Variants in TBC1D22A observed in about 807,000 individuals in gnomAD.
The protein encoded by TBC1D22A is TBC1 domain family member 22A.
TBC1D22A carries 38 observed loss-of-function variants against 60.2 expected under a neutral mutation model. The ratio of observed to expected loss-of-function variants is 0.63; its 90% CI spans 0.49 to 0.83. The LOEUF (loss-of-function observed/expected upper bound fraction) is 0.83, where lower values mean the gene tolerates loss of function less well. Among genes scored for constraint, TBC1D22A ranks in the 40% least tolerant of loss-of-function variants. TBC1D22A has a pLI of 0.00. For missense variants in TBC1D22A, 628 were observed against 701.0 expected (o/e 0.90, Z 1.18); for synonymous variants, 302 against 281.7 (o/e 1.07, Z -0.72).
chr22:47,044,374 G>C (rs1464202806), intron 11 of TBC1D22A, among the ~76,000 whole-genome samples: 1 of 152,216 alleles, frequency 6.6e-6, no homozygotes. Flanking sequence ...GCTGCCTCGG[G>C]TCTCCACTTG....
intron 12 of TBC1D22A, among the ~76,000 whole-genome samples, chr22:47,157,968 C>A (rs1368179044): frequency 1.3e-5 from 2 of 152,128 alleles, no homozygotes; most frequent in African/African-American, 4.8e-5. Context: ...CGTCGTGGCT[C>A]TTAACTGGGT....
At chr22:46,768,923 G>A (rs1334950386) in intron 1 of TBC1D22A, among the ~76,000 whole-genome samples, 1 of 151,774 alleles carries the variant, frequency 6.6e-6, no homozygotes, top group East Asian at 1.9e-4. Flanking sequence ...GTGAAACCCC[G>A]TCTCTACTAA....
chr22:46,828,805 T>C (rs1175575528), intron 4 of TBC1D22A, among the ~76,000 whole-genome samples: 1 of 152,214 alleles, frequency 6.6e-6, no homozygotes, highest in Non-Finnish European at 1.5e-5. Flanking sequence ...ATCTCTGCTC[T>C]TCAGGTGAGC....
intron 8 of TBC1D22A, among the ~76,000 whole-genome samples, chr22:46,940,823 AATATAT>A (rs56781447): frequency 4.4e-5 from 4 of 91,088 alleles, no homozygotes; most frequent in Admixed American, 1.1e-4. Flanking sequence ...GGGGCACTAG[AATATAT>A]ATATATATAT....
intron 9 of TBC1D22A, among the ~76,000 whole-genome samples, chr22:46,984,047 G>A (rs571602984): frequency 2.3e-3 from 354 of 152,068 alleles, no homozygotes; most frequent in African/African-American, 8.1e-3. Context: ...CTCTCTCTGG[G>A]GGTTTAAACT....
At chr22:46,781,131 C>T (rs2083915584) in intron 1 of TBC1D22A, among the ~76,000 whole-genome samples, 1 of 137,680 alleles carries the variant, frequency 7.3e-6, no homozygotes, top group Non-Finnish European at 1.5e-5. Flanking sequence ...GAGGTGCCCT[C>T]CCAATTTTGT....
chr22:47,096,714 T>C (rs565748470), intron 11 of TBC1D22A, among the ~76,000 whole-genome samples: 13 of 152,168 alleles, frequency 8.5e-5, no homozygotes, highest in East Asian at 1.9e-4. Context: ...CCCAGCTACT[T>C]GGGAGGCTGA....
chr22:47,065,988 C>G (rs372852567), intron 11 of TBC1D22A, among the ~76,000 whole-genome samples: 1 of 152,186 alleles, frequency 6.6e-6, no homozygotes, highest in African/African-American at 2.4e-5. Flanking sequence ...AAGAGCCCTC[C>G]TCTGAGTCAC....
At chr22:47,019,116 C>T (rs974997685) in intron 10 of TBC1D22A, among the ~76,000 whole-genome samples, 1 of 152,238 alleles carries the variant, frequency 6.6e-6, no homozygotes, top group Non-Finnish European at 1.5e-5. Context: ...TGGCCTGGCG[C>T]CCACATCCAG....
At chr22:46,926,625 A>G (rs1163856309) in intron 8 of TBC1D22A, among the ~76,000 whole-genome samples, 2 of 152,176 alleles carry the variant, frequency 1.3e-5, no homozygotes, top group Non-Finnish European at 2.9e-5. Flanking sequence ...GTGGACTTTG[A>G]GTAAAGCAGG....
At chr22:46,852,301 G>C (rs922638281) in intron 4 of TBC1D22A, among the ~76,000 whole-genome samples, 1 of 152,220 alleles carries the variant, frequency 6.6e-6, no homozygotes, top group Non-Finnish European at 1.5e-5. Context: ...CCGGCCCGCA[G>C]AGAACTTTAG....
At chr22:46,882,217 G>C (rs1468708866) in intron 5 of TBC1D22A, among the ~76,000 whole-genome samples, 4 of 152,198 alleles carry the variant, frequency 2.6e-5, no homozygotes, top group Non-Finnish European at 5.9e-5. Context: ...GGTGTTGACT[G>C]ACTCTAGCAT....
intron 5 of TBC1D22A, among the ~76,000 whole-genome samples, chr22:46,880,614 C>T (rs1255136618): frequency 6.6e-6 from 1 of 152,020 alleles, no homozygotes; most frequent in South Asian, 2.1e-4. Context: ...TGTGGTGGGA[C>T]AGTGGTGGTG....
intron 8 of TBC1D22A, among the ~76,000 whole-genome samples, chr22:46,945,831 T>C (rs1328915741): frequency 6.6e-6 from 1 of 152,152 alleles, no homozygotes; most frequent in Non-Finnish European, 1.5e-5. Context: ...AGGAAATAAC[T>C]CATCCACGGC....
chr22:46,879,948 G>A (rs975356199), intron 5 of TBC1D22A, among the ~76,000 whole-genome samples: 1 of 152,210 alleles, frequency 6.6e-6, no homozygotes, highest in South Asian at 2.1e-4. Context: ...GTAGACAGAG[G>A]AGCACAAGGG....
chr22:47,121,444 C>T (rs1251001545), intron 12 of TBC1D22A, among the ~76,000 whole-genome samples: 1 of 152,160 alleles, frequency 6.6e-6, no homozygotes, highest in Admixed American at 6.5e-5. Flanking sequence ...TGGTACATGG[C>T]TGGTTATAAT....
chr22:47,003,376 G>T (rs916786153), intron 10 of TBC1D22A, among the ~76,000 whole-genome samples: 1 of 151,764 alleles, frequency 6.6e-6, no homozygotes, highest in African/African-American at 2.4e-5. Flanking sequence ...TGAAATTAAA[G>T]TATACGCACA....
At chr22:46,862,558 C>T (rs2087956429) in intron 4 of TBC1D22A, among the ~76,000 whole-genome samples, 1 of 152,250 alleles carries the variant, frequency 6.6e-6, no homozygotes, top group Admixed American at 6.5e-5. Context: ...CTTGCTTCCA[C>T]TCACTGCTGT....
intron 10 of TBC1D22A, among the ~76,000 whole-genome samples, chr22:47,029,617 C>T (rs1185528333): frequency 6.6e-5 from 10 of 152,344 alleles, no homozygotes; most frequent in Admixed American, 5.2e-4. Flanking sequence ...CCGGCAGCCT[C>T]GATCTTGGCC....
Sources: allele counts gnomAD v4.1 joint callset (sites outside exome capture counted in the v4.1 genomes callset), GRCh38; gene constraint gnomAD v4.1.1; transcripts MANE v1.5; gene names NCBI Gene and HGNC (gene_info 2026-07-23, HGNC 2026-07-21).